The following CFLAR variants were observed in gnomAD, a reference collection of about 807,000 sequenced individuals.
CFLAR encodes the protein CASP8 and FADD like apoptosis regulator.
CFLAR carries 14 observed loss-of-function variants against 51.1 expected under a neutral mutation model. The ratio of observed to expected loss-of-function variants is 0.27; its 90% CI spans 0.18 to 0.43. The LOEUF is 0.43. Ranked by LOEUF, CFLAR falls within the 20% of genes least tolerant of loss-of-function variation. The pLI, the probability that CFLAR is intolerant of heterozygous loss-of-function variation, is 1.00. For missense variants in CFLAR, 390 were observed against 566.5 expected (o/e 0.69, Z 3.16); for synonymous variants, 210 against 211.6 (o/e 0.99, Z 0.06).
At chr2:201,121,927 G>A (rs891007077) in intron 1 of CFLAR, among the ~76,000 whole-genome samples, 6 of 152,186 alleles carry the variant, frequency 3.9e-5, no homozygotes, top group African/African-American at 1.2e-4. Context: ...AGGAATGCCT[G>A]TTTTCCTGAC....
In CFLAR at chr2:201,138,680, A is replaced by G; in HGVS notation, c.524-1677A>G. ...TCTTGGCCTCCAACACATCACCCAC[A>G]GTGTGCAAGGGGCTCAGCACCACGG... is the stretch of plus-strand genomic sequence containing the variant. On this transcript the variant is annotated intron_variant, in intron 4 of 9. Transcript: ENST00000309955. The surrounding 1 kb of genome is among the most constrained non-coding windows in gnomAD (Gnocchi z 4.0). The G allele has an allele frequency of 1.1e-6, 1 of 940,048 alleles. No homozygotes were observed. Among genetic ancestry groups the G allele is most frequent in the Non-Finnish European group, 1.7e-6 (1 of 578,266 alleles). 58.2% of individuals were successfully genotyped at this position (940,048 alleles called of 1,614,324 possible).
At chr2:201,119,400 A>C (rs1263864209) in intron 1 of CFLAR, among the ~76,000 whole-genome samples, 1 of 152,164 alleles carries the variant, frequency 6.6e-6, no homozygotes, top group Non-Finnish European at 1.5e-5. Context: ...GCCTGACTGG[A>C]GGAAGCCTGT....
At chr2:201,130,620 C>T (rs1215446069) in intron 2 of CFLAR, among the ~76,000 whole-genome samples, 1 of 152,070 alleles carries the variant, frequency 6.6e-6, no homozygotes, top group Non-Finnish European at 1.5e-5. Flanking sequence ...CCTGCCTTGG[C>T]TTCCCAAAAT....
chr2:201,143,529 C>T (rs1205101092), intron 5 of CFLAR: 2 of 152,106 alleles, frequency 1.3e-5, no homozygotes, highest in Non-Finnish European at 2.9e-5. Flanking sequence ...AGTAAGCAGG[C>T]ACTATGGCAT....
rs1376075643 is a variant in CFLAR, at chr2:201,171,622, C to T, written c.*7649C>T. 1.3e-5 allele frequency: 2 copies of T among 151,714 alleles called. No homozygotes were observed. The highest frequency in any genetic ancestry group is 2.4e-5 in the African/African-American group (1 of 41,248). 9.4% of individuals were successfully genotyped at this position (151,714 alleles called of 1,614,324 possible). A position where few individuals can be genotyped will look rare whatever the true frequency, so the allele number is the denominator to read the frequency against. On this transcript the variant is annotated 3_prime_UTR_variant, in exon 10 of 10. Transcript: ENST00000309955. ...GACACGTTTACCTATGTAACAAACC[C>T]GCACATCCTGCACTTGTATCCAGAA...
chr2:201,121,302 C>G (rs539365554), intron 1 of CFLAR, among the ~76,000 whole-genome samples: 1 of 152,136 alleles, frequency 6.6e-6, no homozygotes, highest in African/African-American at 2.4e-5. Flanking sequence ...AGCTATACCC[C>G]CAGAGGAGAC....
In CFLAR at chr2:201,170,326, T is replaced by C. The variant is rs1943935291; in HGVS notation, c.*6353T>C. The C allele has an allele frequency of 6.6e-6, 1 of 152,228 alleles. No homozygotes were observed. Among genetic ancestry groups the C allele is most frequent in the African/African-American group, 2.4e-5 (1 of 41,466 alleles). 9.4% of individuals were successfully genotyped at this position (152,228 alleles called of 1,614,324 possible). A position where few individuals can be genotyped will look rare whatever the true frequency, so the allele number is the denominator to read the frequency against. ...CAGATTTTTCATTAATTCTTTTAATTGGTTATTACTGAACGTGAAAAAGTA... is the reference window on the plus strand; with the variant it reads ...CAGATTTTTCATTAATTCTTTTAATCGGTTATTACTGAACGTGAAAAAGTA... On this transcript the variant is annotated 3_prime_UTR_variant, in exon 10 of 10. Transcript: ENST00000309955.
chr2:201,117,200 A>G (rs1243214664), intron 1 of CFLAR: 1 of 152,204 alleles, frequency 6.6e-6, no homozygotes, highest in African/African-American at 2.4e-5. Context: ...GTGCAAGGAA[A>G]GCTTGCCTTG....
Position 201,164,388 on chromosome 2 carries a change from G to A in CFLAR, c.*415G>A, listed in dbSNP as rs1943350347. ...TATATAAAAAGGGGAGTTTATTAAGGAGTATTGACTCACATGATCACAGGG... is the reference window on the plus strand; with the variant it reads ...TATATAAAAAGGGGAGTTTATTAAGAAGTATTGACTCACATGATCACAGGG... On this transcript the variant is annotated 3_prime_UTR_variant, in exon 10 of 10. Coordinates refer to ENST00000309955, the MANE Select transcript of CFLAR (RefSeq NM_003879.7). 6.5e-6 allele frequency: 1 copy of A among 153,360 alleles called. No individual in the cohort carries two copies. The highest frequency in any genetic ancestry group is 2.4e-5 in the African/African-American group (1 of 41,422). 9.5% of individuals were successfully genotyped at this position (153,360 alleles called of 1,614,324 possible).
At chr2:201,130,739 T>C (rs1033854753) in intron 2 of CFLAR, among the ~76,000 whole-genome samples, 1 of 152,156 alleles carries the variant, frequency 6.6e-6, no homozygotes, top group Non-Finnish European at 1.5e-5. Flanking sequence ...GCCTGAAGGA[T>C]AGAATGACAA....
chr2:201,161,043 G>C (rs1575952719), intron 9 of CFLAR, 101 bp downstream of exon 9: 2 of 813,554 alleles, frequency 2.5e-6, no homozygotes, highest in East Asian at 5.1e-5. Flanking sequence ...ATCTCTTCCG[G>C]GAGGAAAAGA....
chr2:201,131,437 T>C (rs941989478), intron 2 of CFLAR, among the ~76,000 whole-genome samples: 1 of 152,198 alleles, frequency 6.6e-6, no homozygotes, highest in African/African-American at 2.4e-5. Flanking sequence ...GGTTTTGCCA[T>C]GTTGGCCAGG....
chr2:201,126,193 A>AGG (rs886259651), intron 1 of CFLAR, among the ~76,000 whole-genome samples: 1 of 150,778 alleles, frequency 6.6e-6, no homozygotes, highest in Non-Finnish European at 1.5e-5. Context: ...TAGAAAGGGG[A>AGG]GGGGGGGGTC....
chr2:201,126,306 A>G (rs570533904), intron 1 of CFLAR, among the ~76,000 whole-genome samples: 7 of 152,338 alleles, frequency 4.6e-5, no homozygotes, highest in Non-Finnish European at 7.4e-5. Context: ...TAAGACTATT[A>G]CAAGGTGATA....
Position 201,138,496 on chromosome 2 carries a change from C to T in CFLAR, c.524-1861C>T. On this transcript the variant is annotated intron_variant, in intron 4 of 9. Coordinates refer to ENST00000309955, the MANE Select transcript of CFLAR (RefSeq NM_003879.7). The surrounding 1 kb of genome is among the most constrained non-coding windows in gnomAD (Gnocchi z 4.0). Reference sequence around the variant, plus strand: ...CTCTTTCAACCTCACACTGCTGGAGCCACCACTAGCTTGATCCTTGGCATC... The same window carrying T: ...CTCTTTCAACCTCACACTGCTGGAGTCACCACTAGCTTGATCCTTGGCATC... The T allele has an allele frequency of 8.1e-7, 1 of 1,231,628 alleles. No individual in the cohort carries two copies. Among genetic ancestry groups the T allele is most frequent in the South Asian group, 1.2e-5 (1 of 83,650 alleles). The allele number at this position is 1,231,628 out of a possible 1,614,324, so 76.3% of individuals were successfully genotyped here. A position where few individuals can be genotyped will look rare whatever the true frequency, so the allele number is the denominator to read the frequency against.
At chr2:201,121,500 A>C (rs2048181526) in intron 1 of CFLAR, among the ~76,000 whole-genome samples, 1 of 152,216 alleles carries the variant, frequency 6.6e-6, no homozygotes, top group Admixed American at 6.5e-5. Flanking sequence ...TGGTGATGAG[A>C]CTGAAGCAAG....
Position 201,138,634 on chromosome 2 carries a change from T to A in CFLAR, c.524-1723T>A. ...ATGGTACCCGTCTCAGTGATGGGGATGCCAGAGAAGCCATGACGCATCTTG... is the reference window on the plus strand; with the variant it reads ...ATGGTACCCGTCTCAGTGATGGGGAAGCCAGAGAAGCCATGACGCATCTTG... On this transcript the variant is annotated intron_variant, in intron 4 of 9. Transcript: ENST00000309955. The surrounding 1 kb of genome is among the most constrained non-coding windows in gnomAD (Gnocchi z 4.0). The A allele has an allele frequency of 7.0e-7, 1 of 1,427,298 alleles. No individual in the cohort carries two copies. The allele number at this position is 1,427,298 out of a possible 1,614,324, so 88.4% of individuals were successfully genotyped here.
chr2:201,125,700 GTGTGGGAAAGGAGC>G (rs1052823303), intron 1 of CFLAR, among the ~76,000 whole-genome samples: 3 of 152,056 alleles, frequency 2.0e-5, no homozygotes, highest in Non-Finnish European at 4.4e-5. Context: ...TCCTTGAAGG[GTGTGGGAAAGGAGC>G]TGAACAGAGT....
chr2:201,142,261 T>G (rs1261740327), intron 5 of CFLAR, among the ~76,000 whole-genome samples: 1 of 149,536 alleles, frequency 6.7e-6, no homozygotes, highest in African/African-American at 2.5e-5. Flanking sequence ...GGTGACAGAG[T>G]GAGACCTTGT....
Sources: allele counts gnomAD v4.1 joint callset (sites outside exome capture counted in the v4.1 genomes callset), GRCh38; gene constraint gnomAD v4.1.1; non-coding constraint Gnocchi (gnomAD v3.1); transcripts MANE v1.5; gene names NCBI Gene and HGNC (gene_info 2026-07-23, HGNC 2026-07-21).